PDE1A: variants seen among roughly 807,000 people sequenced by gnomAD.
PDE1A encodes phosphodiesterase 1A.
Under a neutral mutation model 61.7 loss-of-function variants are expected in PDE1A, and 35 were observed. The observed-to-expected ratio is 0.57, with a 90% CI of 0.43 to 0.75. The LOEUF (loss-of-function observed/expected upper bound fraction) is 0.75, where lower values mean the gene tolerates loss of function less well. Among genes scored for constraint, PDE1A ranks in the 30% least tolerant of loss-of-function variants. The pLI, the probability that PDE1A is intolerant of heterozygous loss-of-function variation, is 0.00. For missense variants in PDE1A, 597 were observed against 630.6 expected (o/e 0.95, Z 0.57); for synonymous variants, 232 against 213.2 (o/e 1.09, Z -0.77).
intron 2 of PDE1A, among the ~76,000 whole-genome samples, chr2:182,454,033 C>T (rs1685720482): frequency 6.6e-6 from 1 of 151,850 alleles, no homozygotes; most frequent in African/African-American, 2.4e-5. Context: ...TGTCTCAGCC[C>T]CAAATCTCCT....
At chr2:182,605,789 G>T in the PDE1A span, among the ~76,000 whole-genome samples, 1 of 152,158 alleles carries the variant, frequency 6.6e-6, no homozygotes, top group Non-Finnish European at 1.5e-5. Context: ...CTCACCAAGG[G>T]TGAAGTAAAA....
At chr2:182,651,157 C>A in the PDE1A span, among the ~76,000 whole-genome samples, 1 of 152,260 alleles carries the variant, frequency 6.6e-6, no homozygotes, top group Non-Finnish European at 1.5e-5. Context: ...CAGGCACCTG[C>A]CATCACACCC....
intron 2 of PDE1A, among the ~76,000 whole-genome samples, chr2:182,470,967 A>AACT: frequency 6.6e-6 from 1 of 151,968 alleles, no homozygotes; most frequent in Non-Finnish European, 1.5e-5. Context: ...TTTTGTGCTT[A>AACT]ACTACTGCAT....
At chr2:182,364,950 C>A (rs999169033) in intron 1 of PDE1A, among the ~76,000 whole-genome samples, 1 of 152,006 alleles carries the variant, frequency 6.6e-6, no homozygotes, top group African/African-American at 2.4e-5. Context: ...GCTGCTCTAA[C>A]CCTTATCTGG....
chr2:182,290,805 C>T (rs150996098), intron 1 of PDE1A, among the ~76,000 whole-genome samples: 281 of 152,062 alleles, frequency 1.8e-3, no homozygotes, highest in African/African-American at 6.6e-3. Context: ...CCTATCAGCA[C>T]CTCCTACTTG....
chr2:182,431,082 TG>T (rs2125634130), upstream of PDE1A, among the ~76,000 whole-genome samples: 1 of 132,848 alleles, frequency 7.5e-6, no homozygotes, highest in East Asian at 2.3e-4. Flanking sequence ...AATGTGCACA[TG>T]TACCCTAAAA....
intron 1 of PDE1A, among the ~76,000 whole-genome samples, chr2:182,397,675 C>T (rs568916389): frequency 3.3e-5 from 5 of 152,124 alleles, no homozygotes; most frequent in African/African-American, 1.2e-4. Context: ...TTTCCTATTA[C>T]GCTATGTCAC....
At chr2:182,193,821 A>T (rs1317418365) in intron 10 of PDE1A, among the ~76,000 whole-genome samples, 1 of 152,078 alleles carries the variant, frequency 6.6e-6, no homozygotes, top group African/African-American at 2.4e-5. Flanking sequence ...TAAAAGCTTT[A>T]CTTTTTTACA....
At chr2:182,527,303 TAAAAAAAAAAAA>T (rs869281717), upstream of PDE1A, among the ~76,000 whole-genome samples, 100 of 22,832 alleles carry the variant, frequency 4.4e-3, 8 homozygotes, top group African/African-American at 0.018. Context: ...CCTTTCTCTA[TAAAAAAAAAAAA>T]AAAAAAAAAA....
At chr2:182,242,887 T>TCTCTCTCCCTCTCTCCTCTCCTCC (rs1185372464) in intron 2 of PDE1A, among the ~76,000 whole-genome samples, 2 of 73,782 alleles carry the variant, frequency 2.7e-5, no homozygotes, top group East Asian at 4.4e-4. Context: ...CTCCTCCCTC[T>TCTCTCTCCCTCTCTCCTCTCCTCC]CTCTCTCTCT....
chr2:182,359,084 T>C (rs184642780), intron 1 of PDE1A, among the ~76,000 whole-genome samples: 280 of 152,244 alleles, frequency 1.8e-3, no homozygotes, highest in African/African-American at 6.4e-3. Flanking sequence ...TAGCTGTGGA[T>C]GTTTCTTGAA....
intron 1 of PDE1A, among the ~76,000 whole-genome samples, chr2:182,311,378 AAAT>A (rs1468176828): frequency 6.6e-6 from 1 of 152,244 alleles, no homozygotes; most frequent in Non-Finnish European, 1.5e-5. Flanking sequence ...TATGTAACAA[AAAT>A]AATCTTTCTG....
chr2:182,466,545 G>A (rs1686681631), intron 2 of PDE1A, among the ~76,000 whole-genome samples: 1 of 152,028 alleles, frequency 6.6e-6, no homozygotes, highest in South Asian at 2.1e-4. Flanking sequence ...TGGCAAAATA[G>A]TAAACCATCT....
At chr2:182,359,717 C>T (rs1342826101) in intron 1 of PDE1A, among the ~76,000 whole-genome samples, 1 of 151,992 alleles carries the variant, frequency 6.6e-6, no homozygotes, top group African/African-American at 2.4e-5. Flanking sequence ...CTAAAGCTCC[C>T]AGCGGTCAAG....
intron 2 of PDE1A, among the ~76,000 whole-genome samples, chr2:182,499,853 A>G (rs1688984013): frequency 1.3e-5 from 2 of 152,250 alleles, no homozygotes; most frequent in Admixed American, 1.3e-4. Context: ...GATGAGATCC[A>G]GGAAACAGCA....
intron 13 of PDE1A, among the ~76,000 whole-genome samples, chr2:182,152,098 A>T (rs1019014084): frequency 6.6e-6 from 1 of 152,238 alleles, no homozygotes; most frequent in Non-Finnish European, 1.5e-5. Context: ...ATTAGCTCTG[A>T]GTAACACTGC....
downstream of PDE1A, among the ~76,000 whole-genome samples, chr2:182,143,577 G>A (rs143889397): frequency 0.032 from 4,872 of 151,980 alleles, 249 homozygotes; most frequent in African/African-American, 0.11. Flanking sequence ...GTGCAGTGGC[G>A]CCATCTCGGC....
At chr2:182,674,484 C>T in the PDE1A span, among the ~76,000 whole-genome samples, 1 of 152,012 alleles carries the variant, frequency 6.6e-6, no homozygotes, top group Admixed American at 6.6e-5. Context: ...AAGCCAGTAT[C>T]ATCCCTACCA....
chr2:182,416,408 C>T (rs1438200995), intron 1 of PDE1A, among the ~76,000 whole-genome samples: 13 of 152,292 alleles, frequency 8.5e-5, no homozygotes, highest in South Asian at 2.1e-4. Context: ...TCTTAATTTA[C>T]GCTCAGCTGT....
Sources: allele counts gnomAD v4.1 joint callset (sites outside exome capture counted in the v4.1 genomes callset), GRCh38; gene constraint gnomAD v4.1.1; transcripts MANE v1.5; gene names NCBI Gene and HGNC (gene_info 2026-07-23, HGNC 2026-07-21).